SOBP: variants seen among roughly 807,000 people sequenced by gnomAD.
SOBP encodes the protein sine oculis binding protein homolog.
SOBP carries 4 observed loss-of-function variants against 53.6 expected under a neutral mutation model. The ratio of observed to expected loss-of-function variants is 0.07; its 90% CI spans 0.04 to 0.17. The LOEUF (loss-of-function observed/expected upper bound fraction) is 0.17, where lower values mean the gene tolerates loss of function less well. SOBP is among the 10% of genes least tolerant of loss of function. The pLI, the probability that SOBP is intolerant of heterozygous loss-of-function variation, is 1.00. For missense variants in SOBP, 1,088 were observed against 1,204.7 expected (o/e 0.90, Z 1.43); for synonymous variants, 584 against 522.6 (o/e 1.12, Z -1.60).
chr6:107,585,734 A>G (rs1293458522), intron 4 of SOBP, among the ~76,000 whole-genome samples: 1 of 152,198 alleles, frequency 6.6e-6, no homozygotes, highest in South Asian at 2.1e-4. Context: ...TGCACTTCCA[A>G]GTTCCATCTA....
intron 6 of SOBP, among the ~76,000 whole-genome samples, chr6:107,647,458 T>G (rs1036976095): frequency 1.3e-5 from 2 of 152,192 alleles, no homozygotes; most frequent in Admixed American, 6.5e-5. Context: ...AATAACAAGT[T>G]AAAATGTCCG....
At chr6:107,565,490 T>G (rs1183013289) in intron 4 of SOBP, among the ~76,000 whole-genome samples, 1 of 96,934 alleles carries the variant, frequency 1.0e-5, no homozygotes, top group East Asian at 3.1e-4. Flanking sequence ...ATGGAGTGGG[T>G]GTGTGGCGGC....
At position 107,635,521 on chromosome 6, in the gene SOBP, A is replaced by C. The variant is rs1771004786; in HGVS notation, c.*3+52A>C. Reference sequence around the variant, plus strand: ...CACACCAGCCAGTGCACCTCTCCTTACTTCTGACAAGGCAGAGGGGAGAGT... The same window carrying C: ...CACACCAGCCAGTGCACCTCTCCTTCCTTCTGACAAGGCAGAGGGGAGAGT... On this transcript the variant is annotated intron_variant, in intron 6 of 6. Coordinates refer to ENST00000317357, the MANE Select transcript of SOBP (RefSeq NM_018013.4). The surrounding 1 kb of genome is among the most constrained non-coding windows in gnomAD (Gnocchi z 4.5). 1.1e-5 allele frequency: 18 copies of C among 1,604,306 alleles called. 2 individuals carry two copies. In the South Asian group the frequency reaches 2.0e-4, roughly 18 times the overall value.
At chr6:107,633,456 A>T in intron 5 of SOBP, 58 bp from the exon 6 acceptor site, 2 of 1,608,652 alleles carry the variant, frequency 1.2e-6, no homozygotes. Flanking sequence ...ACGAAACGTC[A>T]TCTACCCAGG....
chr6:107,561,776 G>A (rs1002652003), intron 4 of SOBP, among the ~76,000 whole-genome samples: 1 of 152,176 alleles, frequency 6.6e-6, no homozygotes, highest in African/African-American at 2.4e-5. Context: ...GGAAGACTGA[G>A]CCTTGACAGC....
chr6:107,600,232 G>A (rs1252727741), intron 5 of SOBP, among the ~76,000 whole-genome samples: 2 of 152,154 alleles, frequency 1.3e-5, no homozygotes, highest in Non-Finnish European at 2.9e-5. Context: ...CAGGAATTAG[G>A]GTCTATGTAA....
At chr6:107,498,309 G>A (rs1311528821) in intron 1 of SOBP, among the ~76,000 whole-genome samples, 1 of 152,174 alleles carries the variant, frequency 6.6e-6, no homozygotes, top group Admixed American at 6.5e-5. Context: ...ACTTCCTGCT[G>A]TCTTGGGTAG....
At chr6:107,589,745 A>G (rs75121981) in intron 5 of SOBP, among the ~76,000 whole-genome samples, 5,813 of 152,304 alleles carry the variant, frequency 0.038, 246 homozygotes, top group East Asian at 0.19. Flanking sequence ...GGCTGTCAAG[A>G]TAAGTGACAT....
chr6:107,527,174 T>G (rs948509270), intron 3 of SOBP, among the ~76,000 whole-genome samples: 10 of 152,228 alleles, frequency 6.6e-5, no homozygotes, highest in Non-Finnish European at 1.5e-5. Context: ...TCTCAGGCAC[T>G]TAGGAAGATC....
chr6:107,563,640 G>A (rs879391884), intron 4 of SOBP, among the ~76,000 whole-genome samples: 1 of 149,800 alleles, frequency 6.7e-6, no homozygotes, highest in South Asian at 2.1e-4. Flanking sequence ...CCACAGAAAA[G>A]AATAAGCATT....
chr6:107,635,075 A>AGCCGCCGCCGCCGCC lies in SOBP; in HGVS notation c.2238_2252dup (p.Pro747_Pro751dup), dbSNP rs541688197. ...AAGAGCGCGGAGCCGCCTCCCGAGCAGCCGCCGCCGCCGCCGCCGCCCGCG... is the reference window on the plus strand; with the variant it reads ...AAGAGCGCGGAGCCGCCTCCCGAGCAGCCGCCGCCGCCGCCGCCGCCGCCGCCGCCGCCGCCCGCG... On this transcript the variant is annotated inframe_insertion, in exon 6 of 7. Coordinates refer to ENST00000317357, the MANE Select transcript of SOBP (RefSeq NM_018013.4). This position sits in a 1 kb window ranked among gnomAD's most constrained non-coding sequence, Gnocchi z 4.5. 3 of 1,547,402 alleles carry AGCCGCCGCCGCCGCC rather than the reference A, an allele frequency of 1.9e-6. No homozygotes were observed. The African/African-American group carries it at 4.1e-5, about 21-fold the overall frequency.
At chr6:107,555,523 C>T (rs753646979) in intron 4 of SOBP, among the ~76,000 whole-genome samples, 10 of 152,320 alleles carry the variant, frequency 6.6e-5, no homozygotes, top group South Asian at 2.1e-4. Flanking sequence ...TTCCAGAGGA[C>T]GGTGCAGCTG....
At chr6:107,631,473 C>T (rs183953482) in intron 5 of SOBP, among the ~76,000 whole-genome samples, 1 of 152,284 alleles carries the variant, frequency 6.6e-6, no homozygotes, top group East Asian at 1.9e-4. Flanking sequence ...CAATAACTTA[C>T]ATGCATCATG....
At chr6:107,616,954 G>A (rs943625443) in intron 5 of SOBP, among the ~76,000 whole-genome samples, 2 of 152,200 alleles carry the variant, frequency 1.3e-5, no homozygotes, top group Non-Finnish European at 2.9e-5. Context: ...CCGTGTGTTT[G>A]TGGTGAGAGA....
rs1290682958 is a variant in SOBP, at chr6:107,634,792, C to A, written c.1948C>A (p.Gln650Lys). The A allele has an allele frequency of 7.2e-7, 1 of 1,398,254 alleles. No individual in the cohort carries two copies. The highest frequency in any genetic ancestry group is 9.3e-7 in the Non-Finnish European group (1 of 1,073,772). 86.6% of individuals were successfully genotyped at this position (1,398,254 alleles called of 1,614,324 possible). A position where few individuals can be genotyped will look rare whatever the true frequency, so the allele number is the denominator to read the frequency against. ...LGFPGVLQGP[Q>K]DGVIDLTVGH... ...CTTCCCAGGCGTGCTGCAGGGCCCG[C>A]AGGACGGCGTCATCGACCTGACCGT... is the stretch of plus-strand genomic sequence containing the variant. The change falls in exon 6 of 7, where the codon CAG (glutamine) becomes AAG (lysine). Residue 650 changes from glutamine to lysine, a missense_variant. By Grantham distance (53) the Gln-to-Lys change is moderately conservative. Transcript: ENST00000317357. The surrounding 1 kb of genome is among the most constrained non-coding windows in gnomAD (Gnocchi z 4.5).
intron 3 of SOBP, among the ~76,000 whole-genome samples, chr6:107,524,165 A>G (rs1408986048): frequency 6.6e-6 from 1 of 152,218 alleles, no homozygotes; most frequent in Non-Finnish European, 1.5e-5. Flanking sequence ...CCACTTTTGT[A>G]TCTCTTTGAA....
At chr6:107,576,445 G>A (rs1018646653) in intron 4 of SOBP, among the ~76,000 whole-genome samples, 2 of 152,178 alleles carry the variant, frequency 1.3e-5, no homozygotes, top group African/African-American at 4.8e-5. Context: ...AATGCTGACT[G>A]TAACACTGTC....
intron 6 of SOBP, among the ~76,000 whole-genome samples, chr6:107,648,507 T>G (rs1321734530): frequency 4.6e-5 from 7 of 151,034 alleles, no homozygotes; most frequent in African/African-American, 1.7e-4. Flanking sequence ...GTGTGTTGGA[T>G]GAGACTTGAT....
chr6:107,635,421 G>T lies in SOBP; in HGVS notation c.2577G>T (p.Pro859=). ...GCGCCGGGCCTGAGGACCTGGAGCC[G>T]CCGCTCAAAAGGAGGTGCCTCCGAA... ...MLSAGPEDLE[P]PLKRRCLRIR... Residue 859 remains proline (P), a synonymous_variant, in exon 6 of 7, where the codon CCG becomes CCT. Coordinates refer to ENST00000317357, the MANE Select transcript of SOBP (RefSeq NM_018013.4). The surrounding 1 kb of genome is among the most constrained non-coding windows in gnomAD (Gnocchi z 4.5). The T allele has an allele frequency of 6.2e-7, 1 of 1,613,598 alleles. No homozygotes were observed. The highest frequency in any genetic ancestry group is 1.7e-5 in the Admixed American group (1 of 60,022).
Sources: allele counts gnomAD v4.1 joint callset (sites outside exome capture counted in the v4.1 genomes callset), GRCh38; gene constraint gnomAD v4.1.1; non-coding constraint Gnocchi (gnomAD v3.1); transcripts MANE v1.5; gene names NCBI Gene and HGNC (gene_info 2026-07-23, HGNC 2026-07-21).